Variants in AGO2 observed in about 807,000 individuals in gnomAD.
AGO2 encodes the protein argonaute RISC catalytic component 2.
In AGO2, 5 loss-of-function variants were observed where a neutral mutation model predicts 102.3. The ratio of observed to expected loss-of-function variants is 0.05; its 90% confidence interval spans 0.03 to 0.10. The LOEUF (loss-of-function observed/expected upper bound fraction) is 0.10, where lower values mean the gene tolerates loss of function less well. Among genes scored for constraint, AGO2 ranks in the 10% least tolerant of loss-of-function variants. AGO2 has a pLI of 1.00. For missense variants in AGO2, 541 were observed against 1,183.7 expected (o/e 0.46, Z 7.97); for synonymous variants, 449 against 473.1 (o/e 0.95, Z 0.66).
At chr8:140,565,474 A>G (rs1248706110) in intron 3 of AGO2, among the ~76,000 whole-genome samples, 1 of 148,942 alleles carries the variant, frequency 6.7e-6, no homozygotes, top group Admixed American at 6.7e-5. Context: ...AAAAAACAAA[A>G]AACAAAAAAA....
At chr8:140,609,524 T>A (rs1477290868) in intron 1 of AGO2, among the ~76,000 whole-genome samples, 1 of 152,182 alleles carries the variant, frequency 6.6e-6, no homozygotes, top group Non-Finnish European at 1.5e-5. Flanking sequence ...CATCAATTCT[T>A]CCTCTGCTAC....
At chr8:140,546,483 C>T (rs78303458) in intron 13 of AGO2, among the ~76,000 whole-genome samples, 152 of 152,320 alleles carry the variant, frequency 1.0e-3, no homozygotes, top group African/African-American at 3.5e-3. Flanking sequence ...GGCCTGTGCA[C>T]ACAGCAGGGG....
rs938453492 is a variant in AGO2, at chr8:140,567,905, C to T, written c.336+4907G>A. On this transcript the variant is annotated intron_variant, in intron 3 of 18. Coordinates refer to ENST00000220592, the MANE Select transcript of AGO2 (RefSeq NM_012154.5). The surrounding 1 kb of genome is among the most constrained non-coding windows in gnomAD (Gnocchi z 5.0). ...CGTGGGAGGCCGAGGCGGGCTGGAT[C>T]GCTTGAGCTCAGGAGTTGCAGACCA... 6.6e-6 allele frequency among the ~76,000 whole-genome samples: 1 copy of T among 152,102 alleles called. No individual in the cohort carries two copies. The highest frequency in any genetic ancestry group is 2.4e-5 in the African/African-American group (1 of 41,496).
chr8:140,574,614 C>T (rs1489013569), intron 2 of AGO2, among the ~76,000 whole-genome samples: 1 of 152,038 alleles, frequency 6.6e-6, no homozygotes. Flanking sequence ...CCTGCCCTCG[C>T]ACACTACGCC....
chr8:140,563,210 C>T (rs1422379590), intron 3 of AGO2, among the ~76,000 whole-genome samples: 1 of 152,210 alleles, frequency 6.6e-6, no homozygotes, highest in Non-Finnish European at 1.5e-5. Flanking sequence ...CTCACATGCC[C>T]AGTGACCCCA....
intron 3 of AGO2, among the ~76,000 whole-genome samples, chr8:140,571,886 C>T (rs769511761): frequency 5.9e-5 from 9 of 152,282 alleles, no homozygotes; most frequent in African/African-American, 1.7e-4. Flanking sequence ...GGTGGGATTA[C>T]AGGCACCTAG....
intron 13 of AGO2, among the ~76,000 whole-genome samples, chr8:140,545,359 C>A (rs1037401261): frequency 2.0e-5 from 3 of 152,178 alleles, no homozygotes; most frequent in African/African-American, 7.2e-5. Context: ...TGGCCCGCTG[C>A]AGGACACACT....
At chr8:140,534,569 G>C (rs561563775) in intron 17 of AGO2, among the ~76,000 whole-genome samples, 1 of 152,210 alleles carries the variant, frequency 6.6e-6, no homozygotes, top group African/African-American at 2.4e-5. Flanking sequence ...GGCTGGACCC[G>C]GCCCACAGGC....
At chr8:140,577,999 G>C (rs980535155) in intron 2 of AGO2, among the ~76,000 whole-genome samples, 1 of 152,202 alleles carries the variant, frequency 6.6e-6, no homozygotes, top group African/African-American at 2.4e-5. Flanking sequence ...GCAGTGCCCT[G>C]AGGGGCTACA....
chr8:140,628,045 C>A (rs1408730335), intron 1 of AGO2, among the ~76,000 whole-genome samples: 1 of 152,362 alleles, frequency 6.6e-6, no homozygotes, highest in East Asian at 1.9e-4. Flanking sequence ...TATCCCAAAA[C>A]CAGGGGGTCC....
At chr8:140,560,587 G>C in intron 4 of AGO2, 77 bp from the exon 5 acceptor site, 1 of 1,529,536 alleles carries the variant, frequency 6.5e-7, no homozygotes, top group Non-Finnish European at 8.9e-7. Context: ...GGTGGGCTTC[G>C]CCTGCGCCCA....
intron 1 of AGO2, 113 bp downstream of exon 1, chr8:140,635,372 G>C: frequency 2.9e-4 from 141 of 481,484 alleles, no homozygotes; most frequent in Non-Finnish European, 3.5e-4. Context: ...GGCCCCCGCC[G>C]CCCCGACCCC....
intron 3 of AGO2, 29 bp from the exon 4 acceptor site, chr8:140,562,663 C>G: frequency 1.9e-6 from 3 of 1,603,246 alleles, no homozygotes; most frequent in Non-Finnish European, 2.6e-6. Flanking sequence ...CACAAGGTTA[C>G]TCCCTCCTGC....
rs147790222 is a variant in AGO2, at chr8:140,547,548, C to G, written c.1668G>C (p.Thr556=). Residue 556 remains threonine, a synonymous_variant, in exon 13 of 19, where the codon ACG becomes ACC. Coordinates refer to ENST00000220592, the MANE Select transcript of AGO2 (RefSeq NM_012154.5). ...GGCAGAGGTTGGACAGGGTCTGTGGCGTGGTCCTCTGCACGTTCTTCATCT... is the reference window on the plus strand; with the variant it reads ...GGCAGAGGTTGGACAGGGTCTGTGGGGTGGTCCTCTGCACGTTCTTCATCT... ...CVQMKNVQRT[T]PQTLSNLCLK... 1 of 1,614,206 alleles carries G rather than the reference C, an allele frequency of 6.2e-7. No individual in the cohort carries two copies. Among genetic ancestry groups the G allele is most frequent in the Admixed American group, 1.7e-5 (1 of 60,030 alleles).
rs2072854216 is a variant in AGO2, at chr8:140,544,301, G to A, written c.1751C>T (p.Pro584Leu). The change falls in exon 14 of 19, where the codon CCG (proline) becomes CTG (leucine). Residue 584 changes from proline to leucine, a missense_variant and splice_region_variant. Physicochemically the swap from Pro to Leu is moderately conservative, Grantham distance 98 (BLOSUM62 -3). Transcript: ENST00000220592. ...GATGACGGGCTGCTGGAACACCGGC[G>A]GCCTGCGGAGAGGAGTGGCGTCAGG... ...VNNILLPQGR[P>L]PVFQQPVIFL... is the part of the protein sequence containing the mutation. 2.5e-6 allele frequency: 4 copies of A among 1,600,930 alleles called. No individual in the cohort carries two copies. Among genetic ancestry groups the A allele is most frequent in the Non-Finnish European group, 3.4e-6 (4 of 1,174,814 alleles).
At chr8:140,598,655 G>A (rs1030591949) in intron 1 of AGO2, among the ~76,000 whole-genome samples, 5 of 152,196 alleles carry the variant, frequency 3.3e-5, no homozygotes, top group African/African-American at 7.2e-5. Flanking sequence ...GAGGAAGCGC[G>A]TGCTGGCTGC....
intron 3 of AGO2, 76 bp downstream of exon 3, chr8:140,572,736 C>T: frequency 6.4e-7 from 1 of 1,552,216 alleles, no homozygotes; most frequent in South Asian, 1.2e-5. Flanking sequence ...TGAGAACAGG[C>T]ATGACAGACT....
upstream of AGO2, chr8:140,637,648 G>C (rs2074419568): frequency 1.3e-5 from 2 of 152,290 alleles, no homozygotes; most frequent in Admixed American, 6.5e-5. Context: ...GGTTCCCTCT[G>C]CTCTTTTCCT....
chr8:140,610,938 T>G (rs1194312012), intron 1 of AGO2, among the ~76,000 whole-genome samples: 2 of 152,236 alleles, frequency 1.3e-5, no homozygotes, highest in Non-Finnish European at 2.9e-5. Flanking sequence ...GTGTAAATCA[T>G]GATACAATTT....
Sources: gnomAD v4.1 joint callset for allele counts (sites outside exome capture counted in the v4.1 genomes callset) on GRCh38, gnomAD v4.1.1 for gene constraint, Gnocchi (gnomAD v3.1) non-coding constraint, MANE v1.5 for transcripts, NCBI Gene and HGNC (gene_info 2026-07-23, HGNC 2026-07-21) for gene names.